KLHL1: variants seen among roughly 807,000 people sequenced by gnomAD.
KLHL1 encodes the protein kelch like family member 1, also known as kelch-like protein 1.
KLHL1 carries 47 observed loss-of-function variants against 77.7 expected under a neutral mutation model. The ratio of observed to expected loss-of-function variants is 0.60; its 90% CI spans 0.48 to 0.77. KLHL1 has a LOEUF of 0.77. KLHL1 is among the 30% of genes least tolerant of loss of function. The probability of loss-of-function intolerance (pLI) is 0.00; values close to 1 mark genes in which losing one functional copy is unlikely to be tolerated. For synonymous variants in KLHL1, 360 were observed against 325.2 expected (o/e 1.11, Z -1.15); for missense variants, 925 against 910.8 (o/e 1.02, Z -0.20).
Position 70,009,061 on chromosome 13 carries a change from TG to T in KLHL1, c.498-33260del, listed in dbSNP as rs543637415. Reference sequence around the variant, plus strand: ...CTACTTTTTAAACATTTAGAATAATTGGGGGGTTTTGAAAAACCTTATGTAT... The same window carrying T: ...CTACTTTTTAAACATTTAGAATAATTGGGGGTTTTGAAAAACCTTATGTAT... On this transcript the variant is annotated intron_variant, in intron 1 of 10. Transcript: ENST00000377844. Among the ~76,000 whole-genome samples the T allele has an allele frequency of 4.2e-3, 641 of 152,246 alleles. 3 individuals carry two copies. The highest frequency in any genetic ancestry group is 6.8e-3 in the Middle Eastern group (2 of 294).
rs367731765 is a variant in KLHL1 at position 69,981,598 on chromosome 13, T to A, written c.498-5796A>T. 1.2e-4 allele frequency among the ~76,000 whole-genome samples: 19 copies of A among 152,188 alleles called. No individual in the cohort carries two copies. The South Asian group carries it at 3.5e-3, about 28-fold the overall frequency. ...GTGTGTATTTCAGGCAATGTATATG[T>A]CTTTAGATTATATTTGCATTAGAGT... On this transcript the variant is annotated intron_variant, in intron 1 of 10. Transcript: ENST00000377844.
At chr13:69,903,009 T>C (rs1881923681) in intron 4 of KLHL1, among the ~76,000 whole-genome samples, 3 of 152,082 alleles carry the variant, frequency 2.0e-5, no homozygotes, top group Admixed American at 2.0e-4. Context: ...ATAGTGTGCC[T>C]TATCATTTTA....
At chr13:69,951,929 G>C (rs774040526) in intron 3 of KLHL1, among the ~76,000 whole-genome samples, 10 of 151,384 alleles carry the variant, frequency 6.6e-5, no homozygotes, top group Non-Finnish European at 1.5e-4. Flanking sequence ...CAGAATTTCT[G>C]ATAAGTATGC....
intron 7 of KLHL1, among the ~76,000 whole-genome samples, chr13:69,780,713 T>TATACACACACAC (rs1566243678): frequency 3.0e-5 from 1 of 32,952 alleles, no homozygotes; most frequent in Admixed American, 2.7e-4. Context: ...TATATATATA[T>TATACACACACAC]ATGTATATAT....
In KLHL1 at chr13:69,831,756, A is replaced by C. The variant is rs1053162500; in HGVS notation, c.1414+7220T>G. Among the ~76,000 whole-genome samples, 3 of 150,354 alleles carry C rather than the reference A, an allele frequency of 2.0e-5. 1 individual carries two copies. The highest frequency in any genetic ancestry group is 7.5e-5 in the African/African-American group (3 of 40,148). On this transcript the variant is annotated intron_variant, in intron 6 of 10. Coordinates refer to ENST00000377844, the MANE Select transcript of KLHL1 (RefSeq NM_020866.3). The stretch of plus-strand genomic sequence containing the variant: ...ATCAAAAAGATAGTCCACGATGATC[A>C]AGTTGATTTCACACCAGGGATGCAT...
At chr13:70,058,203 AC>A (rs1175885006) in intron 1 of KLHL1, among the ~76,000 whole-genome samples, 3 of 152,208 alleles carry the variant, frequency 2.0e-5, no homozygotes, top group Admixed American at 2.0e-4. Flanking sequence ...AACTTTCACC[AC>A]TGTTATTCAA....
intron 4 of KLHL1, among the ~76,000 whole-genome samples, chr13:69,934,436 T>C (rs563904431): frequency 4.8e-4 from 73 of 152,270 alleles, no homozygotes; most frequent in Middle Eastern, 3.4e-3. Context: ...AATTGTCATT[T>C]ATAATGATAA....
chr13:69,909,291 T>C (rs891805703), intron 4 of KLHL1, among the ~76,000 whole-genome samples: 8 of 151,908 alleles, frequency 5.3e-5, no homozygotes, highest in Admixed American at 1.3e-4. Flanking sequence ...CACTTACAGA[T>C]GCAGAGAGGA....
intron 4 of KLHL1, among the ~76,000 whole-genome samples, chr13:69,930,047 G>A (rs1386894436): frequency 6.6e-6 from 1 of 151,808 alleles, no homozygotes. Flanking sequence ...TTTATTTTAG[G>A]TTGGAAATAG....
intron 7 of KLHL1, among the ~76,000 whole-genome samples, chr13:69,749,022 C>T (rs542310788): frequency 8.6e-5 from 13 of 151,832 alleles, no homozygotes; most frequent in South Asian, 2.1e-4. Flanking sequence ...TTTATGCTTC[C>T]ACATTATAAA....
chr13:69,865,931 C>G (rs1350217600), intron 5 of KLHL1, among the ~76,000 whole-genome samples: 1 of 152,052 alleles, frequency 6.6e-6, no homozygotes, highest in African/African-American at 2.4e-5. Context: ...TTAACATATT[C>G]TGAGAGTAAC....
At chr13:69,919,311 T>C (rs1184867322) in intron 4 of KLHL1, among the ~76,000 whole-genome samples, 1 of 152,180 alleles carries the variant, frequency 6.6e-6, no homozygotes, top group Non-Finnish European at 1.5e-5. Context: ...ACTTTTATTA[T>C]GATTATCATT....
Position 69,817,938 on chromosome 13 carries a change from G to C in KLHL1, c.1415-20976C>G, listed in dbSNP as rs147573029. On this transcript the variant is annotated intron_variant, in intron 6 of 10. Coordinates refer to ENST00000377844, the MANE Select transcript of KLHL1 (RefSeq NM_020866.3). ...TGAGGTTCAAAACCCTCTATTAAGA[G>C]GCAAAATATAGCTATTAGTCTGAAT... Among the ~76,000 whole-genome samples, 1,088 of 152,166 alleles carry C rather than the reference G, an allele frequency of 7.2e-3. 6 individuals are homozygous for C. Among genetic ancestry groups the C allele is most frequent in the African/African-American group, 0.025 (1,028 of 41,522 alleles).
intron 1 of KLHL1, among the ~76,000 whole-genome samples, chr13:70,098,628 G>C (rs1053191966): frequency 6.6e-6 from 1 of 151,798 alleles, no homozygotes; most frequent in Admixed American, 6.6e-5. Context: ...TATTAATAAA[G>C]TATATTCAAT....
At position 69,719,593 on chromosome 13, in the gene KLHL1, A is replaced by G; in HGVS notation, c.1803-12T>C. Reference sequence around the variant, plus strand: ...CAACTGAATACAACCTAAAAACACAATTGGAAAAATGTGATTTAATATCAT... The same window carrying G: ...CAACTGAATACAACCTAAAAACACAGTTGGAAAAATGTGATTTAATATCAT... On this transcript the variant is annotated splice_polypyrimidine_tract_variant and intron_variant, in intron 8 of 10. Transcript: ENST00000377844. 6.3e-7 allele frequency: 1 copy of G among 1,594,730 alleles called. No homozygotes were observed.
In KLHL1 at chr13:69,926,232, A is replaced by T. The variant is rs1163929194; in HGVS notation, c.1014+13808T>A. Among the ~76,000 whole-genome samples the T allele has an allele frequency of 2.0e-5, 3 of 152,220 alleles. No homozygotes were observed. In the East Asian group the frequency reaches 5.8e-4, roughly 29 times the overall value. On this transcript the variant is annotated intron_variant, in intron 4 of 10. Transcript: ENST00000377844. ...TTGATCTGCAGAGTCAAAGGGTGGC[A>T]TATTGCCCACACCTAACCAGTCAGA...
intron 1 of KLHL1, among the ~76,000 whole-genome samples, chr13:70,086,253 C>T (rs933091414): frequency 6.7e-6 from 1 of 149,908 alleles, no homozygotes; most frequent in Non-Finnish European, 1.5e-5. Flanking sequence ...ATCTCAGCCC[C>T]AGAAATGAAG....
intron 1 of KLHL1, among the ~76,000 whole-genome samples, chr13:70,105,579 C>G (rs1593748501): frequency 6.6e-6 from 1 of 151,294 alleles, no homozygotes; most frequent in African/African-American, 2.4e-5. Context: ...CAGATAAATA[C>G]TTAACCTAGT....
rs762457915 is a variant in KLHL1 at position 70,107,287 on chromosome 13, G to T, written c.413C>A (p.Pro138Gln). 2 of 1,613,742 alleles carry T rather than the reference G, an allele frequency of 1.2e-6. No individual in the cohort carries two copies. The highest frequency in any genetic ancestry group is 8.5e-7 in the Non-Finnish European group (1 of 1,179,908). Residue 138 changes from proline to glutamine, a missense_variant, in exon 1 of 11, where the codon CCA becomes CAA. Transcript: ENST00000377844. ...EVVPGMDFPG[P>Q]HEKGLVLQEL... ...TTGCAGAACCAGCCCTTTTTCGTGT[G>T]GTCCAGGAAAGTCCATGCCTGGCAC...
Sources: allele counts gnomAD v4.1 joint callset (sites outside exome capture counted in the v4.1 genomes callset), GRCh38; gene constraint gnomAD v4.1.1; transcripts MANE v1.5; gene names NCBI Gene and HGNC (gene_info 2026-07-23, HGNC 2026-07-21).